KDM4B: variants seen among roughly 807,000 people sequenced by gnomAD.
KDM4B encodes the protein lysine-specific demethylase 4B.
A neutral mutation model predicts 125.2 loss-of-function variants in KDM4B; 32 were observed. The ratio of observed to expected loss-of-function variants is 0.26; its 90% CI spans 0.19 to 0.34. The LOEUF is 0.34. Among genes scored for constraint, KDM4B ranks in the 10% least tolerant of loss-of-function variants. The pLI is 1.00. For missense variants in KDM4B, 1,190 were observed against 1,577.7 expected (o/e 0.75, Z 4.16); for synonymous variants, 721 against 677.9 (o/e 1.06, Z -0.99).
intron 2 of KDM4B, among the ~76,000 whole-genome samples, chr19:5,018,389 C>T (rs560040068): frequency 6.6e-6 from 1 of 152,122 alleles, no homozygotes; most frequent in East Asian, 1.9e-4. Context: ...AGTGCAGCAA[C>T]CAGGAGGTGC....
chr19:5,133,748 G>A, intron 13 of KDM4B, 135 bp from the exon 14 acceptor site: 1 of 779,240 alleles, frequency 1.3e-6, no homozygotes, highest in Non-Finnish European at 2.0e-6. Context: ...GGTGGAGGGG[G>A]AGCTATGGGC....
At chr19:5,034,504 T>G (rs2036555997) in intron 3 of KDM4B, among the ~76,000 whole-genome samples, 1 of 152,236 alleles carries the variant, frequency 6.6e-6, no homozygotes, top group Non-Finnish European at 1.5e-5. Context: ...CGTCTTCTGC[T>G]TTTTTCTTTT....
At chr19:5,051,365 G>A (rs973186453) in intron 6 of KDM4B, among the ~76,000 whole-genome samples, 8 of 152,238 alleles carry the variant, frequency 5.3e-5, no homozygotes, top group Non-Finnish European at 1.2e-4. Flanking sequence ...GGACCTGGCC[G>A]AGGCTTCGGG....
Position 5,082,486 on chromosome 19 carries a change from C to T in KDM4B, c.900C>T (p.Tyr300=), listed in dbSNP as rs34298574. The part of the protein sequence containing the change: ...TNFATLRWID[Y]GKVATQCTCR... ...TCGCCACCCTGCGGTGGATTGACTA[C>T]GGCAAAGTGGCCACTCAGGTAAAAG... Residue 300 remains tyrosine (Y), a synonymous_variant, in exon 9 of 23, where the codon TAC becomes TAT. Transcript: ENST00000159111. The surrounding 1 kb of genome is among the most constrained non-coding windows in gnomAD (Gnocchi z 5.4). 2,263 of 1,605,486 alleles carry T rather than the reference C, an allele frequency of 1.4e-3. 33 individuals carry two copies. The African/African-American group carries it at 0.026, about 18-fold the overall frequency.
At chr19:4,972,860 G>A (rs968728791) in intron 1 of KDM4B, among the ~76,000 whole-genome samples, 1 of 152,164 alleles carries the variant, frequency 6.6e-6, no homozygotes, top group African/African-American at 2.4e-5. Context: ...GAGAGGACAG[G>A]AGCCCCCACG....
chr19:5,026,513 C>T (rs1197666288), intron 2 of KDM4B, among the ~76,000 whole-genome samples: 3 of 152,136 alleles, frequency 2.0e-5, no homozygotes, highest in Non-Finnish European at 1.5e-5. Context: ...TTGCTCGCCC[C>T]TCTGTGACGT....
intron 2 of KDM4B, among the ~76,000 whole-genome samples, chr19:5,021,976 C>T (rs539989553): frequency 6.6e-6 from 1 of 152,234 alleles, no homozygotes; most frequent in Admixed American, 6.5e-5. Context: ...TTTTGTTTGC[C>T]TCTGTCTGCT....
chr19:5,129,477 G>A (rs943896517), intron 11 of KDM4B, among the ~76,000 whole-genome samples: 1 of 152,220 alleles, frequency 6.6e-6, no homozygotes, highest in African/African-American at 2.4e-5. Flanking sequence ...AGATGTGGGC[G>A]CTGTGCTCCA....
Position 5,119,825 on chromosome 19 carries a change from C to T in KDM4B, c.1288C>T (p.His430Tyr), listed in dbSNP as rs2039327812. The change falls in exon 11 of 23, where the codon CAC becomes TAC. Residue 430 changes from histidine (H) to tyrosine (Y), a missense_variant. Transcript: ENST00000159111. ...GGAGGAGGAGCCGCAGCCACTGCCA[C>T]ACGGCCGGGAGGCCGAGGGCGCAGA... ...EEEEEPQPLPHGREAEGAEED... is the reference protein window; with the variant it reads ...EEEEEPQPLPYGREAEGAEED... 1 of 1,544,608 alleles carries T rather than the reference C, an allele frequency of 6.5e-7. No homozygotes were observed. Among genetic ancestry groups the T allele is most frequent in the Non-Finnish European group, 8.7e-7 (1 of 1,145,110 alleles).
At chr19:5,099,656 A>G (rs1307839545) in intron 9 of KDM4B, among the ~76,000 whole-genome samples, 1 of 152,238 alleles carries the variant, frequency 6.6e-6, no homozygotes, top group Admixed American at 6.5e-5. Context: ...AAAGGAACAC[A>G]GGCAGTAAAG....
Position 5,102,794 on chromosome 19 carries a change from A to G in KDM4B, c.919-7828A>G, listed in dbSNP as rs533176363. On this transcript the variant is annotated intron_variant, in intron 9 of 22. Transcript: ENST00000159111. ...CTGTGGCCTGTGGATGCCGCCCCTG[A>G]CGTCAGCATCTCTCTCTGGCCTCCC... Among the ~76,000 whole-genome samples the G allele has an allele frequency of 2.4e-4, 37 of 152,252 alleles. 2 individuals are homozygous for G. The South Asian group carries it at 6.8e-3, about 28-fold the overall frequency.
At chr19:5,136,623 C>A (rs992190918) in intron 15 of KDM4B, among the ~76,000 whole-genome samples, 3 of 152,124 alleles carry the variant, frequency 2.0e-5, no homozygotes, top group African/African-American at 7.2e-5. Flanking sequence ...GCCAGGCTAC[C>A]CCAGCAGACG....
intron 1 of KDM4B, among the ~76,000 whole-genome samples, chr19:4,972,924 T>C (rs1206662408): frequency 6.6e-6 from 1 of 152,184 alleles, no homozygotes; most frequent in Non-Finnish European, 1.5e-5. Flanking sequence ...TGGGGTCTTC[T>C]GGGCTGCTCT....
intron 18 of KDM4B, among the ~76,000 whole-genome samples, chr19:5,140,101 C>T (rs1447528834): frequency 6.6e-6 from 1 of 152,226 alleles, no homozygotes; most frequent in African/African-American, 2.4e-5. Flanking sequence ...GGCCCACTCC[C>T]TAAAGCATGG....
At chr19:5,128,565 C>T (rs1456152842) in intron 11 of KDM4B, among the ~76,000 whole-genome samples, 2 of 152,226 alleles carry the variant, frequency 1.3e-5, no homozygotes, top group African/African-American at 2.4e-5. Context: ...TGTTTGTCCT[C>T]AAGTGCCTTT....
chr19:4,989,330 T>G (rs1436845912), intron 1 of KDM4B, among the ~76,000 whole-genome samples: 1 of 151,348 alleles, frequency 6.6e-6, no homozygotes, highest in African/African-American at 2.4e-5. Context: ...TTTTTCTTTG[T>G]TTTTTTTTGT....
chr19:5,106,257 T>C (rs2039031568), intron 9 of KDM4B, among the ~76,000 whole-genome samples: 1 of 152,208 alleles, frequency 6.6e-6, no homozygotes. Flanking sequence ...ATTGTGTGTG[T>C]GTGTGTGTGC....
intron 1 of KDM4B, among the ~76,000 whole-genome samples, chr19:4,991,302 G>A (rs1014092387): frequency 2.0e-5 from 3 of 147,896 alleles, no homozygotes; most frequent in Non-Finnish European, 4.5e-5. Context: ...TATTATTTTT[G>A]TTAACTTTTA....
intron 6 of KDM4B, among the ~76,000 whole-genome samples, chr19:5,049,589 G>T (rs899707554): frequency 2.6e-5 from 4 of 151,850 alleles, no homozygotes. Context: ...CTCCCCACTC[G>T]CCCCCACAGT....
Sources: allele counts gnomAD v4.1 joint callset (sites outside exome capture counted in the v4.1 genomes callset), GRCh38; gene constraint gnomAD v4.1.1; non-coding constraint Gnocchi (gnomAD v3.1); transcripts MANE v1.5; gene names NCBI Gene and HGNC (gene_info 2026-07-23, HGNC 2026-07-21).